NFIB: variants seen among roughly 807,000 people sequenced by gnomAD.
NFIB encodes the protein nuclear factor I B, also known as nuclear factor 1 B-type.
Under a neutral mutation model 61.5 loss-of-function variants are expected in NFIB, and 11 were observed. That is an observed-to-expected ratio of 0.18 (90% CI 0.11 to 0.30). The LOEUF is 0.30. Ranked by LOEUF, NFIB falls within the 10% of genes least tolerant of loss-of-function variation. The pLI is 1.00. For missense variants in NFIB, 471 were observed against 608.9 expected (o/e 0.77, Z 2.38); for synonymous variants, 260 against 216.5 (o/e 1.20, Z -1.76).
At chr9:14,096,772 T>C (rs2034861096) in intron 10 of NFIB, 1 of 152,170 alleles carries the variant, frequency 6.6e-6, no homozygotes, top group Admixed American at 6.5e-5. Context: ...ACTTTTTTTC[T>C]TTCTCTCAAG....
intron 2 of NFIB, among the ~76,000 whole-genome samples, chr9:14,223,087 C>T (rs753485096): frequency 2.6e-5 from 4 of 152,164 alleles, no homozygotes; most frequent in South Asian, 4.1e-4. Context: ...AGAAAAATCT[C>T]ATAACGTTTT....
At position 14,219,357 on chromosome 9, in the gene NFIB, T is replaced by C. The variant is rs933238311; in HGVS notation, c.563-39577A>G. On this transcript the variant is annotated intron_variant, in intron 2 of 10. Transcript: ENST00000380953. ...TTTTATCTCCAGAGAAACTTTAATA[T>C]AGAGTCATCTTGTAGCACTAGGGTA... 3.2e-5 allele frequency among the ~76,000 whole-genome samples: 4 copies of C among 123,302 alleles called. No homozygotes were observed. In the East Asian group the frequency reaches 7.0e-4, roughly 21 times the overall value. The allele number at this position is 123,302 out of a possible 152,430, so 80.9% of individuals were successfully genotyped here.
At chr9:14,516,683 C>T in the NFIB span, among the ~76,000 whole-genome samples, 1 of 152,136 alleles carries the variant, frequency 6.6e-6, no homozygotes, top group African/African-American at 2.4e-5. Context: ...AAATATTAGG[C>T]CTTGTAAGAG....
intron 2 of NFIB, among the ~76,000 whole-genome samples, chr9:14,289,081 C>CATGT (rs1554703168): frequency 1.2e-4 from 17 of 142,404 alleles, no homozygotes; most frequent in African/African-American, 2.9e-4. Context: ...TTTTCCAAAG[C>CATGT]GTGTGTGTGT....
chr9:14,085,659 T>C lies in NFIB; in HGVS notation c.*2650A>G, dbSNP rs1334604435. On this transcript the variant is annotated 3_prime_UTR_variant, in exon 11 of 11. Transcript: ENST00000380953. ...ATTTTAATCTATCAGTCCAAATACA[T>C]TCAACAATAGCAACCCTCTGTTCAA... 4.5e-6 allele frequency: 1 copy of C among 220,222 alleles called. No individual in the cohort carries two copies. Among genetic ancestry groups the C allele is most frequent in the Non-Finnish European group, 9.1e-6 (1 of 110,054 alleles). The allele number at this position is 220,222 out of a possible 1,614,324, so 13.6% of individuals were successfully genotyped here.
chr9:14,292,813 T>C (rs2059189829), intron 2 of NFIB, among the ~76,000 whole-genome samples: 1 of 152,218 alleles, frequency 6.6e-6, no homozygotes, highest in Non-Finnish European at 1.5e-5. Flanking sequence ...ATTTTTCTTT[T>C]TTTAATGTAA....
chr9:14,168,356 T>C (rs2045166178), intron 3 of NFIB, among the ~76,000 whole-genome samples: 1 of 152,050 alleles, frequency 6.6e-6, no homozygotes. Flanking sequence ...AGAGATAAAA[T>C]AGTGCACTAA....
At chr9:14,496,106 C>T in the NFIB span, among the ~76,000 whole-genome samples, 3 of 152,156 alleles carry the variant, frequency 2.0e-5, no homozygotes, top group Non-Finnish European at 4.4e-5. Flanking sequence ...TCAATAAATA[C>T]AATCTATTTT....
At chr9:14,127,100 TAAG>T (rs1196203619) in intron 6 of NFIB, among the ~76,000 whole-genome samples, 3 of 152,180 alleles carry the variant, frequency 2.0e-5, no homozygotes, top group Admixed American at 2.0e-4. Context: ...GAGCTTGAAA[TAAG>T]AATCATGATA....
At chr9:14,472,921 A>G in the NFIB span, among the ~76,000 whole-genome samples, 3 of 152,206 alleles carry the variant, frequency 2.0e-5, no homozygotes, top group African/African-American at 7.2e-5. Flanking sequence ...GTTTTTCACC[A>G]CAGACACTTT....
chr9:14,234,793 ATTTT>A lies in NFIB; in HGVS notation c.563-55017_563-55014del, dbSNP rs200830057. Among the ~76,000 whole-genome samples, 91 of 122,300 alleles carry A rather than the reference ATTTT, an allele frequency of 7.4e-4. 1 individual carries two copies. Among genetic ancestry groups the A allele is most frequent in the Admixed American group, 1.3e-3 (14 of 10,782 alleles). The allele number at this position is 122,300 out of a possible 152,430, so 80.2% of individuals were successfully genotyped here. On this transcript the variant is annotated intron_variant, in intron 2 of 10. Transcript: ENST00000380953. ...GTGGTGCTGGCATTTGTTCGTTGAA[ATTTT>A]TTTTTTGGTTTTTTTTTTGGGTATG...
rs543242559 is a variant in NFIB, at chr9:14,244,654, T to C, written c.562+62335A>G. ...TCCAATACTTATTAGCCGTTGGCCT[T>C]AGACAAATTACTGACCTCTCTGAAT... On this transcript the variant is annotated intron_variant, in intron 2 of 10. Coordinates refer to ENST00000380953, the MANE Select transcript of NFIB (RefSeq NM_001190737.2). 7.2e-5 allele frequency among the ~76,000 whole-genome samples: 11 copies of C among 152,318 alleles called. No homozygotes were observed. The South Asian group carries it at 2.3e-3, about 32-fold the overall frequency.
intron 5 of NFIB, among the ~76,000 whole-genome samples, chr9:14,148,733 C>G (rs1223320275): frequency 1.3e-5 from 2 of 152,112 alleles, no homozygotes; most frequent in African/African-American, 4.8e-5. Context: ...CATGTATATG[C>G]CTGAGTACAT....
the NFIB span, among the ~76,000 whole-genome samples, chr9:14,412,528 C>T: frequency 1.3e-5 from 2 of 152,216 alleles, no homozygotes; most frequent in Admixed American, 1.3e-4. Context: ...CCTGCTGCTG[C>T]GACTGGCCTC....
chr9:14,419,363 T>C, the NFIB span, among the ~76,000 whole-genome samples: 1 of 150,678 alleles, frequency 6.6e-6, no homozygotes, highest in Non-Finnish European at 1.5e-5. Flanking sequence ...GCCTTGCAGA[T>C]TCAGGGGACC....
chr9:14,232,889 C>T (rs1237744716), intron 2 of NFIB, among the ~76,000 whole-genome samples: 2 of 152,140 alleles, frequency 1.3e-5, no homozygotes, highest in African/African-American at 2.4e-5. Context: ...ATCAGGAGTG[C>T]CCACCACCTA....
chr9:14,459,361 C>T, the NFIB span, among the ~76,000 whole-genome samples: 1 of 152,110 alleles, frequency 6.6e-6, no homozygotes, highest in Admixed American at 6.6e-5. Context: ...TACACAAAAA[C>T]TAATTCAAGA....
At chr9:14,423,279 C>T in the NFIB span, among the ~76,000 whole-genome samples, 4 of 152,116 alleles carry the variant, frequency 2.6e-5, no homozygotes, top group Non-Finnish European at 5.9e-5. Flanking sequence ...ACGGAGTGAC[C>T]AGTAATATCT....
At chr9:14,417,784 T>TTG in the NFIB span, among the ~76,000 whole-genome samples, 1 of 145,940 alleles carries the variant, frequency 6.9e-6, no homozygotes, top group African/African-American at 2.6e-5. Flanking sequence ...GTTTTTTTTT[T>TTG]TTTTTTTTTT....
Sources: allele counts gnomAD v4.1 joint callset (sites outside exome capture counted in the v4.1 genomes callset), GRCh38; gene constraint gnomAD v4.1.1; transcripts MANE v1.5; gene names NCBI Gene and HGNC (gene_info 2026-07-23, HGNC 2026-07-21).